Variants in PRDM10 observed in about 807,000 individuals in gnomAD.
The protein encoded by PRDM10 is PR/SET domain 10.
PRDM10 carries 65 observed loss-of-function variants against 133.1 expected under a neutral mutation model. That is an observed-to-expected ratio of 0.49 (90% CI 0.40 to 0.60). The LOEUF is 0.60. Ranked by LOEUF, PRDM10 falls within the 20% of genes least tolerant of loss-of-function variation. The pLI is 0.00. For synonymous variants in PRDM10, 582 were observed against 580.4 expected, an observed-to-expected ratio of 1.00 and a Z score of -0.04; for missense variants, 1,137 against 1,507.1, an observed-to-expected ratio of 0.75 and a Z score of 4.07.
intron 1 of PRDM10, among the ~76,000 whole-genome samples, chr11:129,966,170 G>A (rs1951903384): frequency 6.6e-6 from 1 of 152,086 alleles, no homozygotes; most frequent in Non-Finnish European, 1.5e-5. Context: ...CCTGAACCTG[G>A]GAGGTGAATG....
intron 1 of PRDM10, among the ~76,000 whole-genome samples, chr11:129,981,166 C>G (rs569716458): frequency 6.6e-6 from 1 of 151,888 alleles, no homozygotes; most frequent in Admixed American, 6.6e-5. Context: ...CCACTGTGCC[C>G]GGGCTATGAT....
chr11:129,926,661 T>A (rs1565467117), intron 11 of PRDM10, among the ~76,000 whole-genome samples: 2 of 152,184 alleles, frequency 1.3e-5, no homozygotes, highest in Admixed American at 1.3e-4. Flanking sequence ...AGGAGAAAGA[T>A]TTTTAAGCTG....
Position 129,899,779 on chromosome 11 carries a change from C to T in PRDM10, c.*2534G>A, listed in dbSNP as rs1463276749. On this transcript the variant is annotated 3_prime_UTR_variant, in exon 21 of 21. Coordinates refer to ENST00000360871, the MANE Select transcript of PRDM10 (RefSeq NM_199437.2). ...TAATTTTTACACCTGCTGCATAGCA[C>T]AAGACTATTAACACTATAACTCACT... 6.6e-6 allele frequency: 1 copy of T among 152,574 alleles called. No individual in the cohort carries two copies. The highest frequency in any genetic ancestry group is 1.5e-5 in the Non-Finnish European group (1 of 68,032). 9.5% of individuals were successfully genotyped at this position (152,574 alleles called of 1,614,324 possible). A position where few individuals can be genotyped will look rare whatever the true frequency, so the allele number is the denominator to read the frequency against.
chr11:129,958,603 C>T (rs1951741128), intron 2 of PRDM10, among the ~76,000 whole-genome samples: 1 of 152,122 alleles, frequency 6.6e-6, no homozygotes, highest in Non-Finnish European at 1.5e-5. Context: ...GAGATCGCAC[C>T]GTTGCACTCC....
In PRDM10 at chr11:129,923,479, T is replaced by C; in HGVS notation, c.1879-76A>G. 1 of 1,463,286 alleles carries C rather than the reference T, an allele frequency of 6.8e-7. No individual in the cohort carries two copies. Among genetic ancestry groups the C allele is most frequent in the South Asian group, 1.4e-5 (1 of 72,880 alleles). 90.6% of individuals were successfully genotyped at this position (1,463,286 alleles called of 1,614,324 possible). A position where few individuals can be genotyped will look rare whatever the true frequency, so the allele number is the denominator to read the frequency against. The stretch of plus-strand genomic sequence containing the variant: ...ATGACCAAAGGCAGCTTGTCAACGC[T>C]AGAGGGAGCCAAACGCATTACCATG... On this transcript the variant is annotated intron_variant, in intron 12 of 20. Transcript: ENST00000360871. The surrounding 1 kb of genome is among the most constrained non-coding windows in gnomAD (Gnocchi z 4.4).
chr11:130,001,417 G>C (rs553974270), intron 1 of PRDM10, among the ~76,000 whole-genome samples: 9 of 152,284 alleles, frequency 5.9e-5, no homozygotes, highest in Admixed American at 5.9e-4. Flanking sequence ...TTTAATAAAG[G>C]TTAAGTACTG....
chr11:129,911,629 C>G (rs1218295978), intron 18 of PRDM10, among the ~76,000 whole-genome samples: 1 of 152,218 alleles, frequency 6.6e-6, no homozygotes, highest in Non-Finnish European at 1.5e-5. Flanking sequence ...ACCCCTCCTT[C>G]AAGACCTCAA....
At chr11:129,917,279 T>C (rs1028026644) in intron 14 of PRDM10, 42 bp from the exon 15 acceptor site, 5 of 1,458,944 alleles carry the variant, frequency 3.4e-6, no homozygotes, top group African/African-American at 1.4e-5. Flanking sequence ...AGAGACCCCA[T>C]TAACCAAACA....
intron 3 of PRDM10, among the ~76,000 whole-genome samples, chr11:129,955,855 A>G (rs940563094): frequency 1.9e-4 from 29 of 152,346 alleles, no homozygotes; most frequent in African/African-American, 6.3e-4. Context: ...TGAATGTCAC[A>G]GTTAATTAAA....
chr11:129,943,809 A>G (rs1041626451), intron 6 of PRDM10, among the ~76,000 whole-genome samples: 6 of 152,046 alleles, frequency 3.9e-5, no homozygotes, highest in African/African-American at 2.4e-5. Context: ...CCTGGCTAAC[A>G]TGGTGAAACC....
chr11:129,992,479 C>T (rs909114747), intron 1 of PRDM10, among the ~76,000 whole-genome samples: 11 of 152,188 alleles, frequency 7.2e-5, no homozygotes, highest in Non-Finnish European at 1.2e-4. Flanking sequence ...AGCTCTTTCC[C>T]CTGTTTGCCA....
rs1023433597 is a variant in PRDM10, at chr11:129,945,572, T to C, written c.521-560A>G. ...ACTGTCTGATTAGATAATGCTAAAA[T>C]GAACAAATTTAGAATCCCTTCCTTC... On this transcript the variant is annotated intron_variant, in intron 5 of 20. Coordinates refer to ENST00000360871, the MANE Select transcript of PRDM10 (RefSeq NM_199437.2). This position sits in a 1 kb window ranked among gnomAD's most constrained non-coding sequence, Gnocchi z 4.2. Among the ~76,000 whole-genome samples, 7 of 152,060 alleles carry C rather than the reference T, an allele frequency of 4.6e-5. No homozygotes were observed. The highest frequency in any genetic ancestry group is 7.3e-5 in the African/African-American group (3 of 41,320).
intron 1 of PRDM10, among the ~76,000 whole-genome samples, chr11:129,979,789 C>A (rs1938002474): frequency 6.6e-6 from 1 of 152,320 alleles, no homozygotes; most frequent in Admixed American, 6.5e-5. Flanking sequence ...GATTCTGCCC[C>A]TCCTGTTCTA....
intron 1 of PRDM10, among the ~76,000 whole-genome samples, 160 bp downstream of exon 1, chr11:130,002,562 C>G (rs529131423): frequency 7.9e-5 from 12 of 152,020 alleles, no homozygotes; most frequent in South Asian, 2.1e-4. Flanking sequence ...ATTCCCCCCC[C>G]ACCCGGGTCC....
intron 1 of PRDM10, among the ~76,000 whole-genome samples, chr11:129,982,023 C>T (rs1239959405): frequency 2.6e-5 from 4 of 151,900 alleles, no homozygotes; most frequent in South Asian, 2.1e-4. Context: ...TTCTGGAGGC[C>T]GAGGCTGGTG....
intron 17 of PRDM10, chr11:129,914,414 G>A: frequency 2.1e-6 from 1 of 486,706 alleles, no homozygotes; most frequent in Non-Finnish European, 3.8e-6. Flanking sequence ...TAAAGATAAG[G>A]ATCAGAAGAG....
rs1411653788 is a variant in PRDM10 at position 129,914,772 on chromosome 11, C to T, written c.2773G>A (p.Val925Met). The T allele has an allele frequency of 1.2e-6, 2 of 1,614,238 alleles. No homozygotes were observed. The highest frequency in any genetic ancestry group is 1.7e-5 in the Admixed American group (1 of 60,032). The part of the protein sequence containing the change: ...GDYQRIQYIP[V>M]SQSASGLQQP... Reference sequence around the variant, plus strand: ...TGGAGGCCAGACGCCGACTGCGACACAGGGATGTACTGAATTCTCTGGTAA... The same window carrying T: ...TGGAGGCCAGACGCCGACTGCGACATAGGGATGTACTGAATTCTCTGGTAA... The change falls in exon 17 of 21, where the codon GTG becomes ATG. Residue 925 changes from valine to methionine, a missense_variant. By Grantham distance (21) the Val-to-Met change is conservative (BLOSUM62 1). Transcript: ENST00000360871.
intron 19 of PRDM10, among the ~76,000 whole-genome samples, chr11:129,909,465 A>G (rs1950117905): frequency 6.6e-6 from 1 of 152,042 alleles, no homozygotes. Flanking sequence ...AAAAAAAAGA[A>G]TATTGATTGT....
intron 1 of PRDM10, among the ~76,000 whole-genome samples, chr11:129,980,702 A>G (rs1484860317): frequency 2.6e-5 from 4 of 152,154 alleles, no homozygotes; most frequent in Admixed American, 2.6e-4. Flanking sequence ...ACTCTGAAAC[A>G]TTATGCTAAG....
Sources: gnomAD v4.1 joint callset for allele counts (sites outside exome capture counted in the v4.1 genomes callset) on GRCh38, gnomAD v4.1.1 for gene constraint, Gnocchi (gnomAD v3.1) non-coding constraint, MANE v1.5 for transcripts, NCBI Gene and HGNC (gene_info 2026-07-23, HGNC 2026-07-21) for gene names.